Variants in GRIP2 observed in about 807,000 individuals in gnomAD.
The protein encoded by GRIP2 is glutamate receptor-interacting protein 2.
In GRIP2, 58 loss-of-function variants were observed where a neutral mutation model predicts 108.3. That is an observed-to-expected ratio of 0.54 (90% confidence interval 0.43 to 0.67). GRIP2 has a LOEUF of 0.67. Ranked by LOEUF, GRIP2 falls within the 30% of genes least tolerant of loss-of-function variation. The pLI is 0.00. For missense variants in GRIP2, 1,278 were observed against 1,430.6 expected (o/e 0.89, Z 1.72); for synonymous variants, 586 against 598.2 (o/e 0.98, Z 0.30).
At position 14,522,691 on chromosome 3, in the gene GRIP2, G is replaced by A; in HGVS notation, c.566+309C>T. On this transcript the variant is annotated intron_variant, in intron 6 of 23. Transcript: ENST00000621039. The surrounding 1 kb of genome is among the most constrained non-coding windows in gnomAD (Gnocchi z 4.3). ...CCCAAATCTCTCATAGCAACTCTTA[G>A]GGACCATTCCACAGACGGGAAAACC... 2.7e-6 allele frequency: 1 copy of A among 364,210 alleles called. No homozygotes were observed. Among genetic ancestry groups the A allele is most frequent in the East Asian group, 6.7e-5 (1 of 14,942 alleles). The allele number at this position is 364,210 out of a possible 1,614,324, so 22.6% of individuals were successfully genotyped here.
At chr3:14,558,191 C>T (rs555155304), upstream of GRIP2, among the ~76,000 whole-genome samples, 6 of 152,308 alleles carry the variant, frequency 3.9e-5, no homozygotes, top group South Asian at 4.1e-4. Flanking sequence ...CAGAGAGGTG[C>T]GGTATTCTAC....
chr3:14,540,044 G>T lies in GRIP2; in HGVS notation c.40+225C>A, dbSNP rs1046091292. ...AGACCCGCCTGTTCTGCCTGCCTGT[G>T]CTGGACAGCCCTGGGGGAGGCTCAG... On this transcript the variant is annotated intron_variant, in intron 1 of 23. Transcript: ENST00000621039. This position sits in a 1 kb window ranked among gnomAD's most constrained non-coding sequence, Gnocchi z 4.1. 1.3e-5 allele frequency among the ~76,000 whole-genome samples: 2 copies of T among 152,120 alleles called. No individual in the cohort carries two copies. The highest frequency in any genetic ancestry group is 4.8e-5 in the African/African-American group (2 of 41,424).
rs116064360 is a variant in GRIP2, at chr3:14,551,748, G to A, written c.55+4152C>T. On this transcript the variant is annotated intron_variant, in intron 1 of 23. Coordinates refer to the GRIP2 transcript ENST00000637182. ...CTGAATAAGCTGACCGTGAAGGAAC[G>A]CCCCCGGGGTGAAATGTTTGGACTT... Among the ~76,000 whole-genome samples, 689 of 152,254 alleles carry A rather than the reference G, an allele frequency of 4.5e-3. 3 individuals carry two copies. Among genetic ancestry groups the A allele is most frequent in the African/African-American group, 0.015 (634 of 41,538 alleles).
At chr3:14,572,472 C>T in the GRIP2 span, among the ~76,000 whole-genome samples, 16 of 151,100 alleles carry the variant, frequency 1.1e-4, no homozygotes, top group East Asian at 7.8e-4. Context: ...ATTAGCCGGG[C>T]GTGGTGGCGG....
At chr3:14,515,027 C>A (rs1196992245) in intron 11 of GRIP2, among the ~76,000 whole-genome samples, 1 of 152,204 alleles carries the variant, frequency 6.6e-6, no homozygotes, top group African/African-American at 2.4e-5. Context: ...CCTAGGCAAC[C>A]GCGAATCTAC....
chr3:14,564,311 G>A, the GRIP2 span, among the ~76,000 whole-genome samples: 1 of 152,374 alleles, frequency 6.6e-6, no homozygotes, highest in Non-Finnish European at 1.5e-5. Flanking sequence ...CGTGGGTGGA[G>A]GTGTCGGAAA....
At chr3:14,518,023 T>G in intron 9 of GRIP2, 126 bp from the exon 10 acceptor site, 1 of 1,130,548 alleles carries the variant, frequency 8.8e-7, no homozygotes, top group Admixed American at 3.0e-5. Context: ...CATTTAGTAT[T>G]CTGCTCACAT....
rs1211788697 is a variant in GRIP2, at chr3:14,520,710, T to C, written c.713-173A>G. The C allele has an allele frequency of 7.2e-6, 5 of 692,988 alleles. No homozygotes were observed. The East Asian group carries it at 1.4e-4, about 19-fold the overall frequency. The allele number at this position is 692,988 out of a possible 1,614,324, so 42.9% of individuals were successfully genotyped here. On this transcript the variant is annotated intron_variant, in intron 7 of 23. Transcript: ENST00000621039. The stretch of plus-strand genomic sequence containing the variant: ...TTTTTTTATCTTCTACCAAATGTTA[T>C]ATCAATTTGACAGATAAGATAGCAG...
the GRIP2 span, among the ~76,000 whole-genome samples, chr3:14,565,473 C>A: frequency 6.6e-6 from 1 of 152,146 alleles, no homozygotes; most frequent in Non-Finnish European, 1.5e-5. Flanking sequence ...CAGGAAAAGG[C>A]CTCCAGCCTC....
chr3:14,569,404 C>G, the GRIP2 span, among the ~76,000 whole-genome samples: 1 of 152,194 alleles, frequency 6.6e-6, no homozygotes, highest in African/African-American at 2.4e-5. Context: ...GCCACTGGAT[C>G]CTTAGGGCCT....
At chr3:14,564,091 C>G in the GRIP2 span, among the ~76,000 whole-genome samples, 1 of 152,190 alleles carries the variant, frequency 6.6e-6, no homozygotes, top group East Asian at 1.9e-4. Context: ...TGATGGCTCC[C>G]AGACAATCCC....
rs1174681801 is a variant in GRIP2 at position 14,507,256 on chromosome 3, C to T, written c.2219-276G>A. ...CTATGGTGGCCTTTCTACCAAGGCA[C>T]GGGGACGTATTCAGGGGCAGCTGAG... is the stretch of plus-strand genomic sequence containing the variant. On this transcript the variant is annotated intron_variant, in intron 18 of 23. Coordinates refer to ENST00000621039, the MANE Select transcript of GRIP2 (RefSeq NM_001080423.4). The surrounding 1 kb of genome is among the most constrained non-coding windows in gnomAD (Gnocchi z 4.6). Among the ~76,000 whole-genome samples the T allele has an allele frequency of 1.3e-5, 2 of 152,146 alleles. No individual in the cohort carries two copies. Among genetic ancestry groups the T allele is most frequent in the Non-Finnish European group, 2.9e-5 (2 of 68,028 alleles).
the GRIP2 span, chr3:14,573,541 C>T: frequency 1.4e-6 from 2 of 1,474,172 alleles, no homozygotes; most frequent in Admixed American, 1.7e-5. Flanking sequence ...CAGAGCATGG[C>T]CTCCTCATGG....
In GRIP2 at chr3:14,517,775, G is replaced by A. The variant is rs575150002; in HGVS notation, c.1153C>T (p.Arg385Ter). 1.9e-5 allele frequency: 31 copies of A among 1,610,378 alleles called. No individual in the cohort carries two copies. The Admixed American group carries it at 3.5e-4, about 18-fold the overall frequency. Reference sequence around the variant, plus strand: ...TACAGCAGGGCAGGCACATTACATCGGCTTTGGTCCTGGCCAGCAGGTGTG... The same window carrying A: ...TACAGCAGGGCAGGCACATTACATCAGCTTTGGTCCTGGCCAGCAGGTGTG... ...WATPAGQDQS[R>*]SLSSTPFSSP... The change falls in exon 10 of 24, where the codon CGA becomes TGA. Residue 385 changes from arginine to a stop codon, truncating the protein, a stop_gained. Coordinates refer to ENST00000621039, the MANE Select transcript of GRIP2 (RefSeq NM_001080423.4). LOFTEE classifies it high-confidence loss of function.
At chr3:14,500,524 T>A (rs1693736903) in intron 21 of GRIP2, among the ~76,000 whole-genome samples, 1 of 152,082 alleles carries the variant, frequency 6.6e-6, no homozygotes, top group Admixed American at 6.5e-5. Context: ...GGAACAACAA[T>A]GAACCTAACA....
chr3:14,511,146 G>A lies in GRIP2; in HGVS notation c.1933+19C>T. The stretch of plus-strand genomic sequence containing the variant: ...AAGGGTGGGCCTCTGGAGGTAGGAG[G>A]CCAGCATGAGGGCCATACCAGAGTT... On this transcript the variant is annotated intron_variant, in intron 16 of 23. Coordinates refer to ENST00000621039, the MANE Select transcript of GRIP2 (RefSeq NM_001080423.4). The surrounding 1 kb of genome is among the most constrained non-coding windows in gnomAD (Gnocchi z 4.1). 1 of 1,613,126 alleles carries A rather than the reference G, an allele frequency of 6.2e-7. No homozygotes were observed. The highest frequency in any genetic ancestry group is 8.5e-7 in the Non-Finnish European group (1 of 1,179,500).
chr3:14,527,561 T>C (rs1249743039), intron 1 of GRIP2, among the ~76,000 whole-genome samples: 4 of 152,114 alleles, frequency 2.6e-5, no homozygotes, highest in Non-Finnish European at 5.9e-5. Context: ...GTGTGTATAT[T>C]AGTATATTAG....
the GRIP2 span, among the ~76,000 whole-genome samples, chr3:14,595,216 G>C: frequency 6.6e-6 from 1 of 152,030 alleles, no homozygotes; most frequent in Non-Finnish European, 1.5e-5. Flanking sequence ...TGCTTTTGTA[G>C]AGATGATGTC....
the GRIP2 span, among the ~76,000 whole-genome samples, chr3:14,578,462 A>G: frequency 6.6e-6 from 1 of 152,204 alleles, no homozygotes; most frequent in African/African-American, 2.4e-5. Flanking sequence ...CACGTCTGTA[A>G]TCCTAGCATG....
Sources: allele counts gnomAD v4.1 joint callset (sites outside exome capture counted in the v4.1 genomes callset), GRCh38; gene constraint gnomAD v4.1.1; non-coding constraint Gnocchi (gnomAD v3.1); transcripts MANE v1.5; gene names NCBI Gene and HGNC (gene_info 2026-07-23, HGNC 2026-07-21).